Variants in RFX3 observed in about 807,000 individuals in gnomAD.
RFX3 encodes the protein regulatory factor X3.
RFX3 carries 14 observed loss-of-function variants against 98.6 expected under a neutral mutation model. That is an observed-to-expected ratio of 0.14 (90% CI 0.09 to 0.22). RFX3 has a LOEUF of 0.22. Among genes scored for constraint, RFX3 ranks in the 10% least tolerant of loss-of-function variants. The pLI is 1.00. For synonymous variants in RFX3, 383 were observed against 328.4 expected (o/e 1.17, Z -1.80); for missense variants, 639 against 926.9 (o/e 0.69, Z 4.03).
intron 1 of RFX3, chr9:3,400,285 A>C: frequency 1.4e-6 from 1 of 696,068 alleles, no homozygotes; most frequent in Non-Finnish European, 1.8e-6. Context: ...TAATAGGAGG[A>C]ATCTTATAGA....
chr9:3,420,923 C>A, intron 1 of RFX3: 1 of 983,334 alleles, frequency 1.0e-6, no homozygotes, highest in Non-Finnish European at 1.2e-6. Context: ...AAATATGGAT[C>A]TTTCTCATCT....
At chr9:3,375,026 T>C (rs1312472552) in intron 2 of RFX3, among the ~76,000 whole-genome samples, 1 of 152,208 alleles carries the variant, frequency 6.6e-6, no homozygotes, top group Non-Finnish European at 1.5e-5. Flanking sequence ...ATATTATCCA[T>C]ACTATTTGCA....
intron 1 of RFX3, among the ~76,000 whole-genome samples, chr9:3,519,903 G>T (rs1200829820): frequency 6.6e-6 from 1 of 151,700 alleles, no homozygotes; most frequent in East Asian, 1.9e-4. Context: ...CAAAAATCTA[G>T]CCTGGGCAAT....
At chr9:3,316,981 C>A (rs575504932) in intron 4 of RFX3, among the ~76,000 whole-genome samples, 74 of 152,272 alleles carry the variant, frequency 4.9e-4, no homozygotes, top group Admixed American at 1.8e-3. Context: ...CCCCATCAAA[C>A]TACTACTGAC....
chr9:3,465,293 C>T (rs1322427284), intron 1 of RFX3, among the ~76,000 whole-genome samples: 1 of 151,654 alleles, frequency 6.6e-6, no homozygotes, highest in South Asian at 2.1e-4. Flanking sequence ...ACCTGTTTTG[C>T]TTTTTTTCTT....
intron 1 of RFX3, among the ~76,000 whole-genome samples, chr9:3,455,130 C>G (rs1847030862): frequency 6.6e-6 from 1 of 152,206 alleles, no homozygotes; most frequent in Non-Finnish European, 1.5e-5. Context: ...AAATCAGGTA[C>G]TCTTCTATGT....
At position 3,273,290 on chromosome 9, in the gene RFX3, G is replaced by A. The variant is rs141061685; in HGVS notation, c.1087-2172C>T. ...TTTTCTTTTTTATATATGCAGCTCA[G>A]CCCTATGAGAGAGATGGTAGGAACA... On this transcript the variant is annotated intron_variant, in intron 9 of 16. Coordinates refer to ENST00000617270, the MANE Select transcript of RFX3 (RefSeq NM_001282116.2). Among the ~76,000 whole-genome samples, 38 of 152,202 alleles carry A rather than the reference G, an allele frequency of 2.5e-4. No individual in the cohort carries two copies. In the East Asian group the frequency reaches 7.1e-3, roughly 29 times the overall value.
chr9:3,374,880 C>T (rs1019711139), intron 2 of RFX3, among the ~76,000 whole-genome samples: 2 of 131,300 alleles, frequency 1.5e-5, no homozygotes, highest in Non-Finnish European at 3.3e-5. Flanking sequence ...AAAAAAAAAA[C>T]TGGAGTAGAT....
chr9:3,295,194 G>A (rs1409951553), intron 5 of RFX3, among the ~76,000 whole-genome samples: 1 of 151,828 alleles, frequency 6.6e-6, no homozygotes, highest in Non-Finnish European at 1.5e-5. Flanking sequence ...ACAACAGGGG[G>A]ACAGCATGTC....
intron 2 of RFX3, among the ~76,000 whole-genome samples, chr9:3,347,097 G>A (rs1478296468): frequency 6.6e-6 from 1 of 152,168 alleles, no homozygotes; most frequent in Non-Finnish European, 1.5e-5. Flanking sequence ...AAAGTGGGCA[G>A]ATTGCCTGAG....
At chr9:3,442,516 T>A (rs528651377) in intron 1 of RFX3, among the ~76,000 whole-genome samples, 1 of 152,194 alleles carries the variant, frequency 6.6e-6, no homozygotes, top group East Asian at 1.9e-4. Context: ...AAACAAAATG[T>A]AGAATCCTGG....
At chr9:3,522,198 C>T (rs1818788078) in intron 1 of RFX3, among the ~76,000 whole-genome samples, 1 of 152,140 alleles carries the variant, frequency 6.6e-6, no homozygotes, top group Non-Finnish European at 1.5e-5. Context: ...TTAAAGCAGC[C>T]ATCTGTCCCT....
intron 6 of RFX3, among the ~76,000 whole-genome samples, chr9:3,288,708 C>G (rs1586893379): frequency 6.6e-6 from 1 of 152,084 alleles, no homozygotes; most frequent in South Asian, 2.1e-4. Flanking sequence ...ATTCTACTTT[C>G]CTGGATAAGT....
chr9:3,401,095 C>T (rs1841434190), intron 1 of RFX3, among the ~76,000 whole-genome samples: 1 of 152,200 alleles, frequency 6.6e-6, no homozygotes, highest in Non-Finnish European at 1.5e-5. Context: ...AGAAAGACAT[C>T]CCCTCTCTCT....
chr9:3,416,550 C>T (rs966365753), intron 1 of RFX3, among the ~76,000 whole-genome samples: 1 of 152,098 alleles, frequency 6.6e-6, no homozygotes, highest in African/African-American at 2.4e-5. Flanking sequence ...TCTCAAAGTT[C>T]CCATATGTAC....
rs139117644 is a variant in RFX3 at position 3,516,725 on chromosome 9, A to ACTCTCTCT, written c.-9+9014_-9+9021dup. 1.2e-3 allele frequency among the ~76,000 whole-genome samples: 179 copies of ACTCTCTCT among 148,320 alleles called. 1 individual carries two copies. Among genetic ancestry groups the ACTCTCTCT allele is most frequent in the African/African-American group, 4.1e-3 (165 of 40,700 alleles). On this transcript the variant is annotated intron_variant, in intron 1 of 16. Coordinates refer to ENST00000617270, the MANE Select transcript of RFX3 (RefSeq NM_001282116.2). Reference sequence around the variant, plus strand: ...CACACATGCACTAGCTCGCTTTCGCACTCTCTCTCTCTCTCTCTCTCTGTT... The same window carrying ACTCTCTCT: ...CACACATGCACTAGCTCGCTTTCGCACTCTCTCTCTCTCTCTCTCTCTCTCTCTCTGTT...
At chr9:3,386,291 A>T (rs1416670619) in intron 2 of RFX3, among the ~76,000 whole-genome samples, 1 of 152,142 alleles carries the variant, frequency 6.6e-6, no homozygotes, top group Admixed American at 6.6e-5. Context: ...GAATTCTACT[A>T]CTATTACTAC....
At chr9:3,351,890 T>C (rs1255482561) in intron 2 of RFX3, among the ~76,000 whole-genome samples, 5 of 152,032 alleles carry the variant, frequency 3.3e-5, no homozygotes. Flanking sequence ...AAAGGTAATT[T>C]ATAAGCAGGC....
chr9:3,426,427 A>AG (rs1844039603), intron 1 of RFX3, among the ~76,000 whole-genome samples: 1 of 152,080 alleles, frequency 6.6e-6, no homozygotes, highest in Non-Finnish European at 1.5e-5. Flanking sequence ...GTATAGAACA[A>AG]GGGTCCCCAA....
Sources: allele counts gnomAD v4.1 joint callset (sites outside exome capture counted in the v4.1 genomes callset), GRCh38; gene constraint gnomAD v4.1.1; transcripts MANE v1.5; gene names NCBI Gene and HGNC (gene_info 2026-07-23, HGNC 2026-07-21).